KIAA1549L: variants seen among roughly 807,000 people sequenced by gnomAD.
The protein encoded by KIAA1549L is UPF0606 protein KIAA1549L.
A neutral mutation model predicts 160.7 loss-of-function variants in KIAA1549L; 88 were observed. The observed-to-expected ratio is 0.55, with a 90% CI of 0.46 to 0.65. KIAA1549L has a LOEUF of 0.65. Among genes scored for constraint, KIAA1549L ranks in the 30% least tolerant of loss-of-function variants. The pLI is 0.00. For synonymous variants in KIAA1549L, 950 were observed against 976.7 expected, an observed-to-expected ratio of 0.97 and a Z score of 0.51; for missense variants, 2,258 against 2,437.5, an observed-to-expected ratio of 0.93 and a Z score of 1.55.
intron 1 of KIAA1549L, among the ~76,000 whole-genome samples, chr11:33,477,507 G>GCACGCACACACACACACA (rs374982374): frequency 5.3e-5 from 7 of 131,738 alleles, no homozygotes; most frequent in African/African-American, 2.5e-4. Context: ...GCAGGTGCAC[G>GCACGCACACACACACACA]CACACACACA....
At chr11:33,560,434 G>A (rs112321403) in intron 7 of KIAA1549L, among the ~76,000 whole-genome samples, 3 of 152,156 alleles carry the variant, frequency 2.0e-5, no homozygotes, top group Non-Finnish European at 2.9e-5. Flanking sequence ...ATCAGCAAAC[G>A]TTCCCAGACC....
intron 1 of KIAA1549L, among the ~76,000 whole-genome samples, chr11:33,521,466 G>A (rs569912136): frequency 3.9e-5 from 6 of 152,338 alleles, no homozygotes; most frequent in Non-Finnish European, 7.3e-5. Flanking sequence ...AGTCTTAAAT[G>A]TGTTCACATT....
At chr11:33,579,919 C>G (rs1212165491) in intron 10 of KIAA1549L, among the ~76,000 whole-genome samples, 2 of 152,188 alleles carry the variant, frequency 1.3e-5, no homozygotes, top group Admixed American at 1.3e-4. Context: ...GTTTCAAGAT[C>G]AGCCTACAAT....
In KIAA1549L at chr11:33,399,319, C is replaced by T. The variant is rs115254936; in HGVS notation, c.238+22430C>T. Reference sequence around the variant, plus strand: ...GTGGAAAGAAGGGGAACGCTTTTCTCCTCTATTCTAAATTTTGCTGGTTTA... The same window carrying T: ...GTGGAAAGAAGGGGAACGCTTTTCTTCTCTATTCTAAATTTTGCTGGTTTA... On this transcript the variant is annotated intron_variant, in intron 1 of 20. Coordinates refer to ENST00000658780, the MANE Select transcript of KIAA1549L (RefSeq NM_012194.3). Among the ~76,000 whole-genome samples the T allele has an allele frequency of 2.7e-3, 410 of 152,206 alleles. 1 individual carries two copies. Among genetic ancestry groups the T allele is most frequent in the African/African-American group, 9.0e-3 (375 of 41,528 alleles).
chr11:33,656,266 G>A (rs1280389055), intron 18 of KIAA1549L, among the ~76,000 whole-genome samples, 157 bp downstream of exon 18: 1 of 152,206 alleles, frequency 6.6e-6, no homozygotes, highest in Non-Finnish European at 1.5e-5. Flanking sequence ...GGCATCCCAA[G>A]TACCATGAAT....
intron 1 of KIAA1549L, among the ~76,000 whole-genome samples, chr11:33,505,051 C>T (rs1194054205): frequency 6.6e-6 from 1 of 152,238 alleles, no homozygotes; most frequent in Admixed American, 6.5e-5. Context: ...CAGGCGTGAG[C>T]CACCACACCT....
At chr11:33,408,489 G>GTGTGTGTATATATATATATA (rs34208718) in intron 1 of KIAA1549L, among the ~76,000 whole-genome samples, 3 of 123,076 alleles carry the variant, frequency 2.4e-5, no homozygotes, top group African/African-American at 9.7e-5. Flanking sequence ...CTGTATATGT[G>GTGTGTGTATATATATATATA]TATATATATA....
intron 1 of KIAA1549L, among the ~76,000 whole-genome samples, chr11:33,451,370 T>C (rs1391104082): frequency 6.6e-6 from 1 of 152,184 alleles, no homozygotes; most frequent in African/African-American, 2.4e-5. Flanking sequence ...TGGGCCCGAA[T>C]CTCAACAATT....
At chr11:33,413,438 T>TA (rs11342768) in intron 1 of KIAA1549L, among the ~76,000 whole-genome samples, 131 of 139,634 alleles carry the variant, frequency 9.4e-4, no homozygotes, top group Middle Eastern at 7.4e-3. Context: ...ACCCTGTCTT[T>TA]AAAAAAAAAA....
At chr11:33,609,714 G>C (rs1436122634) in intron 14 of KIAA1549L, 35 bp from the exon 15 acceptor site, 6 of 1,541,892 alleles carry the variant, frequency 3.9e-6, no homozygotes, top group Non-Finnish European at 5.3e-6. Context: ...GCCCCACTGG[G>C]TCAGGTTTGG....
At chr11:33,510,654 C>T (rs756833037) in intron 1 of KIAA1549L, among the ~76,000 whole-genome samples, 13 of 152,194 alleles carry the variant, frequency 8.5e-5, no homozygotes, top group African/African-American at 2.4e-4. Context: ...CTGGCGAGGA[C>T]GTGGATATAG....
intron 1 of KIAA1549L, among the ~76,000 whole-genome samples, chr11:33,467,938 C>T (rs562761292): frequency 6.6e-6 from 1 of 152,314 alleles, no homozygotes; most frequent in African/African-American, 2.4e-5. Context: ...CTTTTGAGCT[C>T]CTTGGAGTAG....
At chr11:33,631,646 G>GCTTTTGGAACT (rs1851292611) in intron 16 of KIAA1549L, among the ~76,000 whole-genome samples, 1 of 152,138 alleles carries the variant, frequency 6.6e-6, no homozygotes, top group African/African-American at 2.4e-5. Context: ...CCTAAGCAAT[G>GCTTTTGGAACT]CTTTTGGAAC....
chr11:33,607,925 C>T (rs1488316463), intron 14 of KIAA1549L, among the ~76,000 whole-genome samples: 1 of 152,180 alleles, frequency 6.6e-6, no homozygotes, highest in Non-Finnish European at 1.5e-5. Flanking sequence ...TCTCTTTCAG[C>T]CTCTTCATTT....
At chr11:33,659,463 G>A (rs2098241760) in intron 19 of KIAA1549L, among the ~76,000 whole-genome samples, 1 of 152,168 alleles carries the variant, frequency 6.6e-6, no homozygotes, top group African/African-American at 2.4e-5. Context: ...GGTATTCTAT[G>A]ATAAGCCACA....
chr11:33,629,113 C>G (rs7112840), intron 16 of KIAA1549L, among the ~76,000 whole-genome samples: 86,548 of 151,804 alleles, frequency 0.57, 24,906 homozygotes, highest in Middle Eastern at 0.68. Flanking sequence ...GAATTTTGGC[C>G]CCCACTCTCT....
chr11:33,524,974 T>A (rs1254735158), intron 1 of KIAA1549L, among the ~76,000 whole-genome samples: 2 of 152,116 alleles, frequency 1.3e-5, no homozygotes, highest in African/African-American at 4.8e-5. Flanking sequence ...GAAAAGGGAT[T>A]TATCATAAGA....
chr11:33,473,903 A>C (rs1233554275), intron 1 of KIAA1549L, among the ~76,000 whole-genome samples: 1 of 152,200 alleles, frequency 6.6e-6, no homozygotes, highest in Non-Finnish European at 1.5e-5. Context: ...ATTTATAAGG[A>C]AAAGAGGTTT....
intron 10 of KIAA1549L, among the ~76,000 whole-genome samples, chr11:33,579,408 A>G (rs1040793393): frequency 1.2e-4 from 18 of 152,198 alleles, no homozygotes; most frequent in African/African-American, 4.1e-4. Context: ...CCTTCTAACA[A>G]TGCCTCTCCT....
Sources: gnomAD v4.1 joint callset for allele counts (sites outside exome capture counted in the v4.1 genomes callset) on GRCh38, gnomAD v4.1.1 for gene constraint, MANE v1.5 for transcripts, NCBI Gene and HGNC (gene_info 2026-07-23, HGNC 2026-07-21) for gene names.